RAPGEF6: variants seen among roughly 807,000 people sequenced by gnomAD.
RAPGEF6 encodes the protein PDZ domain containing guanine nucleotide exchange factor (GEF) 2.
A neutral mutation model predicts 171.4 loss-of-function variants in RAPGEF6; 56 were observed. That is an observed-to-expected ratio of 0.33 (90% confidence interval 0.26 to 0.41). RAPGEF6 has a LOEUF of 0.41. RAPGEF6 is among the 10% of genes least tolerant of loss of function. The pLI is 1.00. For missense variants in RAPGEF6, 1,674 were observed against 1,921.4 expected (o/e 0.87, Z 2.41); for synonymous variants, 692 against 650.1 (o/e 1.06, Z -0.98).
intron 7 of RAPGEF6, among the ~76,000 whole-genome samples, chr5:131,511,934 G>C (rs1757758098): frequency 6.6e-6 from 1 of 152,156 alleles, no homozygotes; most frequent in African/African-American, 2.4e-5. Context: ...TACACAATTA[G>C]ATCTGGAAGC....
chr5:131,456,115 G>A, intron 19 of RAPGEF6, 103 bp from the exon 20 acceptor site: 4 of 757,100 alleles, frequency 5.3e-6, no homozygotes, highest in Non-Finnish European at 4.2e-6. Flanking sequence ...AAAATAAGCA[G>A]GGACATATTT....
chr5:131,522,024 A>G (rs1758530950), intron 6 of RAPGEF6, among the ~76,000 whole-genome samples: 1 of 152,200 alleles, frequency 6.6e-6, no homozygotes, highest in Admixed American at 6.5e-5. Context: ...TAAGACCAGT[A>G]ACAAGTTGAT....
At chr5:131,528,795 G>A (rs1170610235) in intron 6 of RAPGEF6, among the ~76,000 whole-genome samples, 1 of 152,048 alleles carries the variant, frequency 6.6e-6, no homozygotes, top group Non-Finnish European at 1.5e-5. Flanking sequence ...ATAAGTGGAG[G>A]AGGGAGCATA....
At chr5:131,568,454 T>C (rs991748808) in intron 4 of RAPGEF6, among the ~76,000 whole-genome samples, 1 of 151,994 alleles carries the variant, frequency 6.6e-6, no homozygotes, top group Non-Finnish European at 1.5e-5. Context: ...CCTCAGCCTC[T>C]TGAGTAGCAA....
At chr5:131,513,021 C>G (rs1430866955) in intron 7 of RAPGEF6, among the ~76,000 whole-genome samples, 2 of 152,138 alleles carry the variant, frequency 1.3e-5, no homozygotes, top group African/African-American at 4.8e-5. Flanking sequence ...TGGACTAAGA[C>G]AGGATCATAT....
At chr5:131,472,074 C>CTTTTTT (rs34112867) in intron 17 of RAPGEF6, 1 of 141,326 alleles carries the variant, frequency 7.1e-6, no homozygotes, top group Non-Finnish European at 1.5e-5. Context: ...TTTTTCTTTT[C>CTTTTTT]TTTTTTTTTT....
chr5:131,572,051 A>C (rs1354374887), intron 4 of RAPGEF6, among the ~76,000 whole-genome samples: 2 of 151,792 alleles, frequency 1.3e-5, no homozygotes. Flanking sequence ...TAATCCCACC[A>C]CCTTTCACTG....
intron 7 of RAPGEF6, among the ~76,000 whole-genome samples, chr5:131,518,964 G>A (rs1758287464): frequency 6.6e-6 from 1 of 151,816 alleles, no homozygotes; most frequent in Non-Finnish European, 1.5e-5. Flanking sequence ...TGACCTTCTG[G>A]AAAAGGCAAA....
At position 131,433,489 on chromosome 5, in the gene RAPGEF6, C is replaced by A. The variant is rs769058830; in HGVS notation, c.3915G>T (p.Gly1305=). The change falls in exon 25 of 28, where the codon GGG becomes GGT. Residue 1305 remains glycine (G), a synonymous_variant. Coordinates refer to ENST00000509018, the MANE Select transcript of RAPGEF6 (RefSeq NM_016340.6). Reference sequence around the variant, plus strand: ...AAGCGTGCTCTGTCTTTTCCAATGCCCCAGTGGATTCAGGGACTGCCAGGG... The same window carrying A: ...AAGCGTGCTCTGTCTTTTCCAATGCACCAGTGGATTCAGGGACTGCCAGGG... ...SQALAVPEST[G]ALEKTEHASG... 1 of 1,613,934 alleles carries A rather than the reference C, an allele frequency of 6.2e-7. No homozygotes were observed.
intron 23 of RAPGEF6, among the ~76,000 whole-genome samples, chr5:131,442,107 G>A (rs1006806777): frequency 2.6e-5 from 4 of 152,144 alleles, no homozygotes; most frequent in Admixed American, 6.5e-5. Flanking sequence ...ATGTATTGCT[G>A]TAAATTTTCT....
At chr5:131,577,852 G>A (rs1762697323) in intron 4 of RAPGEF6, among the ~76,000 whole-genome samples, 1 of 152,126 alleles carries the variant, frequency 6.6e-6, no homozygotes. Context: ...TAACCCTTAT[G>A]AGCCTAATAC....
intron 25 of RAPGEF6, 39 bp from the exon 26 acceptor site, chr5:131,431,388 G>GA (rs1751697287): frequency 6.5e-7 from 1 of 1,539,140 alleles, no homozygotes. Flanking sequence ...AGGCTTGCCA[G>GA]AAAAACTATC....
intron 5 of RAPGEF6, among the ~76,000 whole-genome samples, chr5:131,551,719 G>C (rs1760938988): frequency 6.6e-6 from 1 of 151,982 alleles, no homozygotes; most frequent in Admixed American, 6.6e-5. Flanking sequence ...AACAATAAAG[G>C]CTTTACAGAG....
intron 6 of RAPGEF6, among the ~76,000 whole-genome samples, chr5:131,524,516 A>C (rs889941682): frequency 1.3e-5 from 2 of 152,096 alleles, no homozygotes; most frequent in Non-Finnish European, 1.5e-5. Context: ...TAGACCATGC[A>C]AACACAACCA....
At chr5:131,539,410 C>G (rs1438042042) in intron 6 of RAPGEF6, among the ~76,000 whole-genome samples, 5 of 152,166 alleles carry the variant, frequency 3.3e-5, no homozygotes, top group Admixed American at 1.3e-4. Flanking sequence ...AGTGCTTACA[C>G]CTCCTTTAGT....
intron 8 of RAPGEF6, among the ~76,000 whole-genome samples, chr5:131,509,319 G>A (rs999952390): frequency 2.6e-5 from 4 of 152,044 alleles, no homozygotes; most frequent in Admixed American, 6.6e-5. Flanking sequence ...CGAGGTGGGC[G>A]GATCACAAGG....
intron 3 of RAPGEF6, among the ~76,000 whole-genome samples, chr5:131,596,929 A>G (rs1227522483): frequency 1.3e-5 from 2 of 152,222 alleles, no homozygotes; most frequent in African/African-American, 4.8e-5. Context: ...GCAGCAAAGG[A>G]AACAACTGAC....
At position 131,442,452 on chromosome 5, in the gene RAPGEF6, T is replaced by G; in HGVS notation, c.3507A>C (p.Lys1169Asn). 6.2e-7 allele frequency: 1 copy of G among 1,614,162 alleles called. No homozygotes were observed. The highest frequency in any genetic ancestry group is 8.5e-7 in the Non-Finnish European group (1 of 1,180,026). Residue 1169 changes from lysine to asparagine, a missense_variant, in exon 23 of 28, where the codon AAA (lysine) becomes AAC (asparagine). This residue lies in a region of RAPGEF6 where 552 missense variants were observed against 574.2 expected (regional missense o/e 0.96). Transcript: ENST00000509018. Reference sequence around the variant, plus strand: ...CTCTGTGGGGTTGATGCAAGTGGGCTTTAGTTGTTTGGCCAGCTGACCTCA... The same window carrying G: ...CTCTGTGGGGTTGATGCAAGTGGGCGTTAGTTGTTTGGCCAGCTGACCTCA... ...VPMRSAGQTT[K>N]AHLHQPHRVS...
chr5:131,525,754 G>T (rs947425785), intron 6 of RAPGEF6, among the ~76,000 whole-genome samples: 1 of 152,074 alleles, frequency 6.6e-6, no homozygotes, highest in Admixed American at 6.6e-5. Flanking sequence ...GGGGTGTCAG[G>T]GGTAGGAGAT....
Sources: allele counts gnomAD v4.1 joint callset (sites outside exome capture counted in the v4.1 genomes callset), GRCh38; gene constraint gnomAD v4.1.1; regional missense constraint gnomAD v4.1.1; transcripts MANE v1.5; gene names NCBI Gene and HGNC (gene_info 2026-07-23, HGNC 2026-07-21).